The following MOXD1 variants were observed in gnomAD, a reference collection of about 807,000 sequenced individuals.
MOXD1 encodes the protein DBH-like monooxygenase protein 1.
In MOXD1, 62 loss-of-function variants were observed where a neutral mutation model predicts 66.6. The observed-to-expected ratio is 0.93, with a 90% confidence interval of 0.76 to 1.15. The LOEUF is 1.15. Among genes scored for constraint, MOXD1 ranks in the 50% most tolerant of loss-of-function variants. The pLI is 0.00. For missense variants in MOXD1, 847 were observed against 754.6 expected (o/e 1.12, Z -1.44); for synonymous variants, 303 against 281.9 (o/e 1.07, Z -0.75).
At chr6:132,361,265 AACTCAGCTGTGGTTACAGG>A (rs1266318698) in intron 4 of MOXD1, among the ~76,000 whole-genome samples, 1 of 152,004 alleles carries the variant, frequency 6.6e-6, no homozygotes, top group Non-Finnish European at 1.5e-5. Context: ...TAGTTCATAA[AACTCAGCTGTGGTTACAGG>A]AAACAGCTGG....
intron 9 of MOXD1, among the ~76,000 whole-genome samples, chr6:132,320,163 T>C (rs918318852): frequency 2.0e-5 from 3 of 152,124 alleles, no homozygotes; most frequent in African/African-American, 7.2e-5. Flanking sequence ...CTGAAAGAGA[T>C]TGAGTAAGAC....
intron 6 of MOXD1, chr6:132,324,954 A>AACACACACAC (rs34463342): frequency 1.2e-4 from 16 of 139,026 alleles, no homozygotes; most frequent in African/African-American, 4.6e-4. Flanking sequence ...TTCACTCACA[A>AACACACACAC]ACACACACAC....
In MOXD1 at chr6:132,315,789, T is replaced by C. The variant is rs752594287; in HGVS notation, c.1366-12A>G. ...GTGCTTAGTCCTCCCTGAAAACAGA[T>C]AGTTTATTTAGCAAAGTATGTGTTC... On this transcript the variant is annotated splice_polypyrimidine_tract_variant and intron_variant, in intron 9 of 11. Coordinates refer to ENST00000367963, the MANE Select transcript of MOXD1 (RefSeq NM_015529.4). 23 of 1,612,522 alleles carry C rather than the reference T, an allele frequency of 1.4e-5. No homozygotes were observed. The highest frequency in any genetic ancestry group is 2.2e-5 in the East Asian group (1 of 44,798).
At chr6:132,335,337 A>C (rs1775415769) in intron 4 of MOXD1, among the ~76,000 whole-genome samples, 1 of 151,670 alleles carries the variant, frequency 6.6e-6, no homozygotes. Flanking sequence ...CTGAAAATTC[A>C]TGTTTACCTT....
intron 4 of MOXD1, among the ~76,000 whole-genome samples, chr6:132,335,291 T>G (rs1308133829): frequency 2.6e-5 from 4 of 151,416 alleles, no homozygotes; most frequent in Non-Finnish European, 5.9e-5. Context: ...TTTTTTTTTT[T>G]GCTTTATTTC....
rs116665011 is a variant in MOXD1 at position 132,395,957 on chromosome 6, C to T, written c.264+5206G>A. On this transcript the variant is annotated intron_variant, in intron 1 of 11. Transcript: ENST00000367963. Reference sequence around the variant, plus strand: ...AACACAGTAATAGGAACGTTAATAGCCCACTCTCAGCATTAGACAGGTCAT... The same window carrying T: ...AACACAGTAATAGGAACGTTAATAGTCCACTCTCAGCATTAGACAGGTCAT... 6.3e-3 allele frequency among the ~76,000 whole-genome samples: 952 copies of T among 152,140 alleles called. 15 individuals are homozygous for T. Among genetic ancestry groups the T allele is most frequent in the African/African-American group, 0.021 (867 of 41,518 alleles).
At chr6:132,328,972 T>G (rs1440076397) in intron 4 of MOXD1, among the ~76,000 whole-genome samples, 1 of 152,142 alleles carries the variant, frequency 6.6e-6, no homozygotes, top group Non-Finnish European at 1.5e-5. Flanking sequence ...TTTTTAAATT[T>G]TTATTATTAT....
chr6:132,355,869 A>T (rs1775900833), intron 4 of MOXD1, among the ~76,000 whole-genome samples: 1 of 152,242 alleles, frequency 6.6e-6, no homozygotes, highest in Non-Finnish European at 1.5e-5. Context: ...ATAAAAATGA[A>T]TAAAAAATTC....
chr6:132,301,321 T>C (rs931811166), intron 10 of MOXD1, among the ~76,000 whole-genome samples: 8 of 151,924 alleles, frequency 5.3e-5, no homozygotes, highest in African/African-American at 1.7e-4. Context: ...CATGTTTTTC[T>C]AAGAAGATAG....
intron 1 of MOXD1, among the ~76,000 whole-genome samples, chr6:132,394,027 C>T (rs1442796338): frequency 6.6e-6 from 1 of 152,210 alleles, no homozygotes; most frequent in Non-Finnish European, 1.5e-5. Context: ...ACCTGCCCAT[C>T]CTCCTGACCC....
chr6:132,318,027 A>G (rs529195374), intron 9 of MOXD1, among the ~76,000 whole-genome samples: 14 of 152,252 alleles, frequency 9.2e-5, no homozygotes, highest in Admixed American at 8.5e-4. Flanking sequence ...TAATATAGGC[A>G]GCTTTCATTC....
At chr6:132,369,246 A>T (rs1014882819) in intron 4 of MOXD1, among the ~76,000 whole-genome samples, 1 of 152,024 alleles carries the variant, frequency 6.6e-6, no homozygotes, top group African/African-American at 2.4e-5. Context: ...GTATAGGCTC[A>T]ATGCTTTCTA....
At chr6:132,369,150 A>G (rs1239649002) in intron 4 of MOXD1, among the ~76,000 whole-genome samples, 1 of 152,060 alleles carries the variant, frequency 6.6e-6, no homozygotes, top group Admixed American at 6.6e-5. Context: ...ATCAGAATCT[A>G]TATTCCTGAA....
chr6:132,324,059 T>C lies in MOXD1; in HGVS notation c.985A>G (p.Met329Val), dbSNP rs767874010. Residue 329 changes from methionine to valine, a missense_variant, in exon 7 of 12, where the codon ATG becomes GTG. Met to Val is a conservative substitution (Grantham distance 21, BLOSUM62 1). Transcript: ENST00000367963. ...CCAGCATCATATTTCCTTATATCCA[T>C]TGTGTAAAATAACCTCAGTCCAGAA... The part of the protein sequence containing the change: ...DNSGLRLFYT[M>V]DIRKYDAGVI... 3 of 1,613,788 alleles carry C rather than the reference T, an allele frequency of 1.9e-6. No individual in the cohort carries two copies. Among genetic ancestry groups the C allele is most frequent in the Non-Finnish European group, 1.7e-6 (2 of 1,179,850 alleles).
chr6:132,329,976 A>G (rs973957975), intron 4 of MOXD1, among the ~76,000 whole-genome samples: 21 of 152,186 alleles, frequency 1.4e-4, no homozygotes, highest in Non-Finnish European at 1.0e-4. Context: ...GATCCACATG[A>G]ATGTGGTCCT....
In MOXD1 at chr6:132,401,237, A is replaced by T. The variant is rs777043534; in HGVS notation, c.190T>A (p.Phe64Ile). The T allele has an allele frequency of 6.3e-7, 1 of 1,588,174 alleles. No homozygotes were observed. Among genetic ancestry groups the T allele is most frequent in the Non-Finnish European group, 8.5e-7 (1 of 1,174,382 alleles). The stretch of plus-strand genomic sequence containing the variant: ...GACGCCATGGCCCCGGTGGGCGAGA[A>T]GCCGAAGCCCACGTAGCCTGCAGTG... ...VRTAGYVGFGFSPTGAMASAD... is the reference protein window; with the variant it reads ...VRTAGYVGFGISPTGAMASAD... The change falls in exon 1 of 12, where the codon TTC becomes ATC. Residue 64 changes from phenylalanine (F) to isoleucine (I), a missense_variant. Physicochemically the swap from Phe to Ile is conservative, Grantham distance 21. Transcript: ENST00000367963.
intron 4 of MOXD1, among the ~76,000 whole-genome samples, chr6:132,363,001 T>C (rs1351061556): frequency 1.3e-5 from 2 of 152,206 alleles, no homozygotes; most frequent in Non-Finnish European, 2.9e-5. Context: ...AATCACCCAG[T>C]CTCTGTGTAC....
At chr6:132,376,207 A>C (rs1306339021) in intron 1 of MOXD1, among the ~76,000 whole-genome samples, 1 of 152,228 alleles carries the variant, frequency 6.6e-6, no homozygotes, top group Non-Finnish European at 1.5e-5. Flanking sequence ...CTGAAACATA[A>C]TTATAATTAC....
chr6:132,326,844 C>T (rs947391486), intron 6 of MOXD1, among the ~76,000 whole-genome samples: 1 of 152,166 alleles, frequency 6.6e-6, no homozygotes, highest in African/African-American at 2.4e-5. Context: ...TTGACACCTA[C>T]TTTTATAGAA....
Sources: gnomAD v4.1 joint callset for allele counts (sites outside exome capture counted in the v4.1 genomes callset) on GRCh38, gnomAD v4.1.1 for gene constraint, MANE v1.5 for transcripts, NCBI Gene and HGNC (gene_info 2026-07-23, HGNC 2026-07-21) for gene names.